ISM1: variants seen among roughly 807,000 people sequenced by gnomAD.
ISM1 encodes isthmin-1.
A neutral mutation model predicts 46.3 loss-of-function variants in ISM1; 25 were observed. That is an observed-to-expected ratio of 0.54 (90% CI 0.39 to 0.75). The LOEUF (loss-of-function observed/expected upper bound fraction) is 0.75, where lower values mean the gene tolerates loss of function less well. Ranked by LOEUF, ISM1 falls within the 30% of genes least tolerant of loss-of-function variation. The probability of loss-of-function intolerance (pLI) is 0.00; values close to 1 mark genes in which losing one functional copy is unlikely to be tolerated. For synonymous variants in ISM1, 255 were observed against 256.7 expected (o/e 0.99, Z 0.06); for missense variants, 536 against 625.4 (o/e 0.86, Z 1.52).
intron 1 of ISM1, among the ~76,000 whole-genome samples, chr20:13,260,563 C>T (rs1177673899): frequency 6.6e-6 from 1 of 151,758 alleles, no homozygotes; most frequent in Non-Finnish European, 1.5e-5. Flanking sequence ...AATCTCCCCA[C>T]CCTCAATTTG....
the ISM1 span, among the ~76,000 whole-genome samples, chr20:13,322,185 GAC>G: frequency 6.6e-6 from 1 of 152,308 alleles, no homozygotes; most frequent in Admixed American, 6.5e-5. Context: ...TAGCCTAGAT[GAC>G]TTCCAATTTG....
At chr20:13,292,104 C>T (rs899497734) in intron 4 of ISM1, among the ~76,000 whole-genome samples, 3 of 152,200 alleles carry the variant, frequency 2.0e-5, no homozygotes, top group African/African-American at 4.8e-5. Context: ...CTGCCCAAAA[C>T]CCCATCCCTG....
intron 1 of ISM1, among the ~76,000 whole-genome samples, chr20:13,250,735 C>G (rs562354705): frequency 2.2e-4 from 34 of 152,170 alleles, no homozygotes; most frequent in Admixed American, 2.0e-4. Context: ...GTCTTTGGAA[C>G]GGAGTAATTG....
At chr20:13,275,555 C>T (rs1433566128) in intron 2 of ISM1, among the ~76,000 whole-genome samples, 2 of 152,170 alleles carry the variant, frequency 1.3e-5, no homozygotes, top group African/African-American at 2.4e-5. Context: ...ACTTGACCTC[C>T]GTAGCCCCAT....
intron 2 of ISM1, among the ~76,000 whole-genome samples, chr20:13,277,465 C>T (rs941497165): frequency 4.6e-5 from 7 of 152,058 alleles, no homozygotes; most frequent in African/African-American, 1.2e-4. Flanking sequence ...GGCTCAGCAT[C>T]GCCCTGTCAC....
the ISM1 span, among the ~76,000 whole-genome samples, chr20:13,309,074 C>G: frequency 6.6e-6 from 1 of 152,096 alleles, no homozygotes; most frequent in Non-Finnish European, 1.5e-5. Flanking sequence ...CCTGAACTGA[C>G]TAAGACAGTA....
chr20:13,292,537 T>C lies in ISM1; in HGVS notation c.877+74T>C, dbSNP rs184623766. 1.3e-4 allele frequency: 114 copies of C among 886,882 alleles called. No homozygotes were observed. In the East Asian group the frequency reaches 2.7e-3, roughly 21 times the overall value. 54.9% of individuals were successfully genotyped at this position (886,882 alleles called of 1,614,324 possible). On this transcript the variant is annotated intron_variant, in intron 5 of 5. Coordinates refer to ENST00000262487, the MANE Select transcript of ISM1 (RefSeq NM_080826.2). Reference sequence around the variant, plus strand: ...GATTCCTTTTGCTTTTGCAATGCCATCCTTGGATCCACGTAAATGTTTCAT... The same window carrying C: ...GATTCCTTTTGCTTTTGCAATGCCACCCTTGGATCCACGTAAATGTTTCAT...
chr20:13,244,593 G>A (rs377245468), intron 1 of ISM1, among the ~76,000 whole-genome samples: 236 of 152,248 alleles, frequency 1.6e-3, no homozygotes, highest in Non-Finnish European at 1.8e-3. Flanking sequence ...TAGCATGAAG[G>A]CTTATTCCAG....
Position 13,221,719 on chromosome 20 carries a change from G to A in ISM1, c.-58G>A. 3 of 1,325,266 alleles carry A rather than the reference G, an allele frequency of 2.3e-6. No homozygotes were observed. The highest frequency in any genetic ancestry group is 9.6e-7 in the Non-Finnish European group (1 of 1,039,652). The allele number at this position is 1,325,266 out of a possible 1,614,324, so 82.1% of individuals were successfully genotyped here. ...GGGCTCCTACTCCTCCTCCCCCGGC[G>A]TCACCGCCGCCGCCGCCGGCCGCCG... On this transcript the variant is annotated 5_prime_UTR_variant, in exon 1 of 6. Coordinates refer to ENST00000262487, the MANE Select transcript of ISM1 (RefSeq NM_080826.2).
chr20:13,289,048 G>A (rs6074584), intron 4 of ISM1, among the ~76,000 whole-genome samples: 87,253 of 152,074 alleles, frequency 0.57, 25,810 homozygotes, highest in African/African-American at 0.72. Flanking sequence ...AGCCTCCCAA[G>A]GTGCTGGGAT....
chr20:13,238,809 T>C (rs2039682939), intron 1 of ISM1, among the ~76,000 whole-genome samples: 1 of 152,200 alleles, frequency 6.6e-6, no homozygotes. Context: ...ATGATAGCAG[T>C]TGATCAGCCC....
At chr20:13,272,781 G>T (rs2040130537) in intron 2 of ISM1, among the ~76,000 whole-genome samples, 2 of 152,210 alleles carry the variant, frequency 1.3e-5, no homozygotes, top group African/African-American at 2.4e-5. Flanking sequence ...GATTGGCAAG[G>T]AAGGCACTGA....
At chr20:13,233,987 A>C (rs934950473) in intron 1 of ISM1, among the ~76,000 whole-genome samples, 1 of 152,138 alleles carries the variant, frequency 6.6e-6, no homozygotes, top group Non-Finnish European at 1.5e-5. Context: ...ACTTATATAT[A>C]TTTTGGGGGT....
At chr20:13,311,438 A>G in the ISM1 span, among the ~76,000 whole-genome samples, 3 of 152,330 alleles carry the variant, frequency 2.0e-5, no homozygotes, top group East Asian at 3.9e-4. Flanking sequence ...TCCTGGGTAT[A>G]TATCCAAAGA....
intron 1 of ISM1, among the ~76,000 whole-genome samples, chr20:13,258,858 C>T (rs189718500): frequency 4.9e-4 from 74 of 152,232 alleles, no homozygotes; most frequent in African/African-American, 1.6e-3. Context: ...GCTCACAAGC[C>T]GTGGTTCTCC....
intron 3 of ISM1, among the ~76,000 whole-genome samples, chr20:13,282,163 G>T (rs142425594): frequency 2.0e-5 from 3 of 151,736 alleles, no homozygotes; most frequent in African/African-American, 4.8e-5. Context: ...TTTCAATCCC[G>T]ATGCCTAGAC....
chr20:13,238,382 A>T (rs2039677602), intron 1 of ISM1, among the ~76,000 whole-genome samples: 1 of 152,196 alleles, frequency 6.6e-6, no homozygotes, highest in Non-Finnish European at 1.5e-5. Context: ...ATCAGGCAAA[A>T]TGGCAAAATT....
the ISM1 span, among the ~76,000 whole-genome samples, chr20:13,321,253 T>TAAAAAAAAAAAAAAAAAAAAAAAA: frequency 3.0e-4 from 17 of 57,522 alleles, no homozygotes; most frequent in Non-Finnish European, 4.4e-4. Context: ...GTGCCCCACA[T>TAAAAAAAAAAAAAAAAAAAAAAAA]AAAAAAAAAA....
chr20:13,243,117 G>A (rs905303667), intron 1 of ISM1, among the ~76,000 whole-genome samples: 9 of 149,838 alleles, frequency 6.0e-5, no homozygotes, highest in African/African-American at 2.2e-4. Context: ...CGTGGCTTGG[G>A]GAAGAAGTTC....
Sources: gnomAD v4.1 joint callset for allele counts (sites outside exome capture counted in the v4.1 genomes callset) on GRCh38, gnomAD v4.1.1 for gene constraint, MANE v1.5 for transcripts, NCBI Gene and HGNC (gene_info 2026-07-23, HGNC 2026-07-21) for gene names.